GRIN2A: variants seen among roughly 807,000 people sequenced by gnomAD.
GRIN2A encodes the protein glutamate ionotropic receptor NMDA type subunit 2A.
GRIN2A carries 22 observed loss-of-function variants against 113.4 expected under a neutral mutation model. The observed-to-expected ratio is 0.19, with a 90% CI of 0.14 to 0.28. The LOEUF (loss-of-function observed/expected upper bound fraction) is 0.28, where lower values mean the gene tolerates loss of function less well. Among genes scored for constraint, GRIN2A ranks in the 10% least tolerant of loss-of-function variants. The probability of loss-of-function intolerance (pLI) is 1.00; values close to 1 mark genes in which losing one functional copy is unlikely to be tolerated. For synonymous variants in GRIN2A, 827 were observed against 738.4 expected (o/e 1.12, Z -1.94); for missense variants, 1,502 against 1,887.0 (o/e 0.80, Z 3.78).
At chr16:9,818,365 G>A (rs2042222696) in intron 10 of GRIN2A, among the ~76,000 whole-genome samples, 1 of 149,138 alleles carries the variant, frequency 6.7e-6, no homozygotes, top group Non-Finnish European at 1.5e-5. Flanking sequence ...AACCAAAAAA[G>A]AAGAAAACAC....
chr16:10,173,923 C>G (rs1003331343), intron 2 of GRIN2A, among the ~76,000 whole-genome samples: 2 of 152,144 alleles, frequency 1.3e-5, no homozygotes, highest in African/African-American at 4.8e-5. Context: ...GCTCCTAAGA[C>G]ATAGAATTTT....
chr16:10,020,482 C>T (rs17569940), intron 2 of GRIN2A, among the ~76,000 whole-genome samples: 3 of 152,184 alleles, frequency 2.0e-5, no homozygotes, highest in Non-Finnish European at 2.9e-5. Flanking sequence ...GAGTTCTGCA[C>T]GTTATTATTT....
chr16:10,164,845 G>C (rs941641397), intron 2 of GRIN2A, among the ~76,000 whole-genome samples: 1 of 152,204 alleles, frequency 6.6e-6, no homozygotes. Context: ...CATGGCAGGT[G>C]TCTTAAAAGA....
chr16:9,983,041 A>C (rs2045919245), intron 2 of GRIN2A, among the ~76,000 whole-genome samples: 1 of 152,174 alleles, frequency 6.6e-6, no homozygotes, highest in Non-Finnish European at 1.5e-5. Context: ...ACTTCAATAC[A>C]TGTATACAAT....
At chr16:10,006,379 G>A (rs1255030912) in intron 2 of GRIN2A, among the ~76,000 whole-genome samples, 1 of 152,172 alleles carries the variant, frequency 6.6e-6, no homozygotes. Context: ...TGGGCCATGA[G>A]ATAGAGAGTG....
At position 9,890,953 on chromosome 16, in the gene GRIN2A, T is replaced by C. The variant is rs573728073; in HGVS notation, c.1122+33A>G. ...CCTTTATTGCCCATGCTTTCTTCCC[T>C]CCCCTGCATTCAGCACACAGAAGGA... On this transcript the variant is annotated intron_variant, in intron 4 of 12. Transcript: ENST00000330684. 13 of 1,318,468 alleles carry C rather than the reference T, an allele frequency of 9.9e-6. No individual in the cohort carries two copies. In the South Asian group the frequency reaches 1.5e-4, roughly 15 times the overall value. The allele number at this position is 1,318,468 out of a possible 1,614,324, so 81.7% of individuals were successfully genotyped here.
chr16:10,060,252 T>G (rs2142005549), intron 2 of GRIN2A, among the ~76,000 whole-genome samples: 1 of 152,258 alleles, frequency 6.6e-6, no homozygotes, highest in African/African-American at 2.4e-5. Context: ...CACAGCCCAA[T>G]CCTCTATACT....
intron 2 of GRIN2A, among the ~76,000 whole-genome samples, chr16:10,064,131 A>G (rs1404929211): frequency 6.6e-6 from 1 of 152,208 alleles, no homozygotes; most frequent in Non-Finnish European, 1.5e-5. Flanking sequence ...ATCGATGTCT[A>G]TAGAATTGAA....
intron 11 of GRIN2A, among the ~76,000 whole-genome samples, chr16:9,793,729 T>G (rs1365028116): frequency 1.3e-5 from 2 of 152,168 alleles, no homozygotes; most frequent in Non-Finnish European, 2.9e-5. Context: ...CATTCTCTTA[T>G]CTACCCAACA....
chr16:10,093,743 G>A (rs2048230505), intron 2 of GRIN2A, among the ~76,000 whole-genome samples: 1 of 152,140 alleles, frequency 6.6e-6, no homozygotes. Flanking sequence ...TTAAGAACCA[G>A]GATACAGTTC....
intron 10 of GRIN2A, among the ~76,000 whole-genome samples, chr16:9,803,585 C>G (rs140440079): frequency 6.6e-5 from 10 of 152,286 alleles, no homozygotes; most frequent in African/African-American, 2.4e-4. Context: ...GCCAAAGGGG[C>G]TCACCAATTT....
chr16:9,771,036 C>G (rs1398950790), intron 11 of GRIN2A, among the ~76,000 whole-genome samples: 1 of 152,158 alleles, frequency 6.6e-6, no homozygotes, highest in African/African-American at 2.4e-5. Context: ...TTTTGCACTC[C>G]CATCAACAAT....
chr16:10,098,580 A>T (rs1596502667), intron 2 of GRIN2A, among the ~76,000 whole-genome samples: 2 of 152,346 alleles, frequency 1.3e-5, no homozygotes, highest in East Asian at 3.9e-4. Flanking sequence ...ACAAGTGGCT[A>T]AACAAATTGT....
intron 2 of GRIN2A, among the ~76,000 whole-genome samples, chr16:10,014,230 AT>A (rs1442056001): frequency 6.6e-6 from 1 of 152,218 alleles, no homozygotes; most frequent in Non-Finnish European, 1.5e-5. Flanking sequence ...TCATTTTCAT[AT>A]GGCTGGATAC....
At chr16:10,090,455 T>C (rs895559655) in intron 2 of GRIN2A, among the ~76,000 whole-genome samples, 2 of 152,176 alleles carry the variant, frequency 1.3e-5, no homozygotes, top group South Asian at 2.1e-4. Flanking sequence ...TTTCAACACA[T>C]GATGCTGGGA....
chr16:9,899,249 G>T (rs1159309934), intron 3 of GRIN2A, among the ~76,000 whole-genome samples: 1 of 151,786 alleles, frequency 6.6e-6, no homozygotes, highest in Non-Finnish European at 1.5e-5. Flanking sequence ...GACCAGCCTG[G>T]CCAACATGGT....
intron 2 of GRIN2A, among the ~76,000 whole-genome samples, chr16:10,061,429 G>A (rs566767245): frequency 3.9e-5 from 6 of 152,214 alleles, no homozygotes; most frequent in African/African-American, 1.2e-4. Flanking sequence ...GCACCTGCCC[G>A]AATACTAAAA....
At chr16:9,919,569 G>A (rs901886962) in intron 3 of GRIN2A, among the ~76,000 whole-genome samples, 7 of 152,118 alleles carry the variant, frequency 4.6e-5, no homozygotes, top group African/African-American at 1.7e-4. Flanking sequence ...ACCACCCTAG[G>A]AAAAGCTGGT....
At chr16:10,041,008 C>A (rs2141959449) in intron 2 of GRIN2A, among the ~76,000 whole-genome samples, 1 of 152,394 alleles carries the variant, frequency 6.6e-6, no homozygotes, top group Admixed American at 6.5e-5. Context: ...AGCCCCCTGG[C>A]AAAGTAACCC....
Sources: allele counts gnomAD v4.1 joint callset (sites outside exome capture counted in the v4.1 genomes callset), GRCh38; gene constraint gnomAD v4.1.1; transcripts MANE v1.5; gene names NCBI Gene and HGNC (gene_info 2026-07-23, HGNC 2026-07-21).